Variants in BCKDHB observed in about 807,000 individuals in gnomAD.
BCKDHB encodes the protein 2-oxoisovalerate dehydrogenase subunit beta, mitochondrial.
A neutral mutation model predicts 48.5 loss-of-function variants in BCKDHB; 41 were observed. The ratio of observed to expected loss-of-function variants is 0.85; its 90% confidence interval spans 0.66 to 1.10. The LOEUF (loss-of-function observed/expected upper bound fraction) is 1.10, where lower values mean the gene tolerates loss of function less well. BCKDHB is among the 50% of genes least tolerant of loss of function. The pLI is 0.00. For synonymous variants in BCKDHB, 201 were observed against 174.8 expected, an observed-to-expected ratio of 1.15 and a Z score of -1.18; for missense variants, 496 against 494.2, an observed-to-expected ratio of 1.00 and a Z score of -0.03.
intron 3 of BCKDHB, among the ~76,000 whole-genome samples, chr6:80,130,307 A>G (rs907567238): frequency 6.6e-6 from 1 of 152,138 alleles, no homozygotes; most frequent in African/African-American, 2.4e-5. Flanking sequence ...GCATTGCTCT[A>G]TATTGCTTGT....
rs1774303458 is a variant in BCKDHB at position 80,199,840 on chromosome 6, G to T, written c.743-1094G>T. On this transcript the variant is annotated intron_variant, in intron 6 of 9. Coordinates refer to ENST00000320393, the MANE Select transcript of BCKDHB (RefSeq NM_183050.4). ...TAATCCCAGCATTTTGGGAGGCCAA[G>T]GTGGGTGGATCATTTGAGGTCAGGA... 2.7e-5 allele frequency among the ~76,000 whole-genome samples: 4 copies of T among 147,130 alleles called. No individual in the cohort carries two copies. In the South Asian group the frequency reaches 8.5e-4, roughly 31 times the overall value.
intron 3 of BCKDHB, among the ~76,000 whole-genome samples, chr6:80,160,506 A>G (rs1032299970): frequency 1.3e-5 from 2 of 152,016 alleles, no homozygotes; most frequent in African/African-American, 4.8e-5. Context: ...TTTCTGGTCT[A>G]TAGTTGTGGC....
At chr6:80,118,146 G>A (rs1177872480) in intron 1 of BCKDHB, among the ~76,000 whole-genome samples, 4 of 152,084 alleles carry the variant, frequency 2.6e-5, no homozygotes, top group African/African-American at 9.7e-5. Context: ...TTATAAAATC[G>A]AGAAGGATTT....
chr6:80,399,984 G>T, the BCKDHB span, among the ~76,000 whole-genome samples: 2 of 152,022 alleles, frequency 1.3e-5, no homozygotes, highest in Admixed American at 6.6e-5. Flanking sequence ...CAATGGGAAA[G>T]ATTCCTTATT....
At chr6:80,362,408 A>G in the BCKDHB span, among the ~76,000 whole-genome samples, 1 of 152,298 alleles carries the variant, frequency 6.6e-6, no homozygotes, top group East Asian at 1.9e-4. Context: ...AATGATGCTT[A>G]ATGAGCTGCT....
Position 80,224,854 on chromosome 6 carries a change from C to A in BCKDHB, c.951+21642C>A, listed in dbSNP as rs1201998755. On this transcript the variant is annotated intron_variant, in intron 8 of 9. Transcript: ENST00000320393. The stretch of plus-strand genomic sequence containing the variant: ...AAGTGCACAGACTTTGGAAGCCACG[C>A]AGTTCATCTCCCTGTGCACTTCAAG... 2.0e-5 allele frequency among the ~76,000 whole-genome samples: 3 copies of A among 152,190 alleles called. No individual in the cohort carries two copies. The East Asian group carries it at 5.8e-4, about 29-fold the overall frequency.
chr6:80,122,933 C>G (rs373163827), intron 1 of BCKDHB, among the ~76,000 whole-genome samples: 1 of 152,020 alleles, frequency 6.6e-6, no homozygotes, highest in African/African-American at 2.4e-5. Context: ...ATAAGACAGA[C>G]GCTCCCAGAG....
At chr6:80,181,818 A>G (rs889126857) in intron 6 of BCKDHB, among the ~76,000 whole-genome samples, 2 of 152,172 alleles carry the variant, frequency 1.3e-5, no homozygotes, top group African/African-American at 4.8e-5. Context: ...TTCATGGGAA[A>G]AGATGCCTAC....
chr6:80,364,855 T>C, the BCKDHB span, among the ~76,000 whole-genome samples: 6 of 152,286 alleles, frequency 3.9e-5, no homozygotes, highest in East Asian at 1.2e-3. Flanking sequence ...CAACGGAGGT[T>C]CTTTATATTT....
chr6:80,208,864 T>G (rs1380376464), intron 8 of BCKDHB, among the ~76,000 whole-genome samples: 1 of 151,816 alleles, frequency 6.6e-6, no homozygotes, highest in African/African-American at 2.4e-5. Context: ...TGCAAACCCT[T>G]ACGGAGAGTG....
chr6:80,218,521 A>T (rs1236088105), intron 8 of BCKDHB, among the ~76,000 whole-genome samples: 1 of 152,158 alleles, frequency 6.6e-6, no homozygotes, highest in African/African-American at 2.4e-5. Flanking sequence ...CACCACTATG[A>T]CACATAACAG....
intron 8 of BCKDHB, among the ~76,000 whole-genome samples, chr6:80,265,255 A>G (rs755509631): frequency 6.6e-6 from 1 of 152,150 alleles, no homozygotes; most frequent in Non-Finnish European, 1.5e-5. Context: ...TTGTACACCT[A>G]TGCTCATTGC....
At chr6:80,246,467 C>G in intron 8 of BCKDHB, among the ~76,000 whole-genome samples, 1 of 152,180 alleles carries the variant, frequency 6.6e-6, no homozygotes, top group Non-Finnish European at 1.5e-5. Flanking sequence ...TTGGCTGGCC[C>G]TGCAGTTCTT....
intron 9 of BCKDHB, among the ~76,000 whole-genome samples, chr6:80,291,692 T>C (rs1368142024): frequency 3.3e-5 from 5 of 152,076 alleles, no homozygotes; most frequent in African/African-American, 1.2e-4. Flanking sequence ...AGATCACTGG[T>C]TGGTTCACAG....
chr6:80,269,877 A>G (rs1225577452), intron 8 of BCKDHB, among the ~76,000 whole-genome samples: 1 of 152,108 alleles, frequency 6.6e-6, no homozygotes, highest in Non-Finnish European at 1.5e-5. Flanking sequence ...AAGGACATCA[A>G]AATGCTAAAT....
intron 8 of BCKDHB, among the ~76,000 whole-genome samples, chr6:80,242,984 C>G (rs3812126): frequency 2.0e-5 from 3 of 151,870 alleles, no homozygotes; most frequent in Non-Finnish European, 4.4e-5. Flanking sequence ...ATCTCTCGAT[C>G]GGGCAAAGGA....
At chr6:80,404,017 G>C in the BCKDHB span, among the ~76,000 whole-genome samples, 2 of 151,948 alleles carry the variant, frequency 1.3e-5, no homozygotes, top group Non-Finnish European at 2.9e-5. Flanking sequence ...ATGCTCATCA[G>C]GGGTATTGGC....
chr6:80,154,859 C>T (rs924177450), intron 3 of BCKDHB, among the ~76,000 whole-genome samples: 5 of 152,072 alleles, frequency 3.3e-5, no homozygotes, highest in Non-Finnish European at 7.4e-5. Context: ...TGTTTCCTTT[C>T]CCCATACCCA....
rs572295842 is a variant in BCKDHB, at chr6:80,294,260, TCTTTA to T, written c.1038+21045_1038+21049del. Among the ~76,000 whole-genome samples the T allele has an allele frequency of 1.7e-3, 255 of 152,340 alleles. 1 individual carries two copies. The highest frequency in any genetic ancestry group is 5.1e-3 in the African/African-American group (211 of 41,578). On this transcript the variant is annotated intron_variant, in intron 9 of 9. Transcript: ENST00000320393. ...ATACTTTTATAATTTCTTATGCCTATCTTTACTTTAATCTCTTAATCCTGTTATCT... is the reference window on the plus strand; with the variant it reads ...ATACTTTTATAATTTCTTATGCCTATCTTTAATCTCTTAATCCTGTTATCT...
Sources: allele counts gnomAD v4.1 joint callset (sites outside exome capture counted in the v4.1 genomes callset), GRCh38; gene constraint gnomAD v4.1.1; transcripts MANE v1.5; gene names NCBI Gene and HGNC (gene_info 2026-07-23, HGNC 2026-07-21).